Variants in NAALADL2 observed in about 807,000 individuals in gnomAD.
NAALADL2 encodes the protein N-acetylated alpha-linked acidic dipeptidase like 2.
NAALADL2 carries 76 observed loss-of-function variants against 87.2 expected under a neutral mutation model. That is an observed-to-expected ratio of 0.87 (90% CI 0.72 to 1.05). The LOEUF is 1.05. NAALADL2 is among the 50% of genes least tolerant of loss of function. The pLI is 0.00. For synonymous variants in NAALADL2, 354 were observed against 331.0 expected (o/e 1.07, Z -0.75); for missense variants, 1,089 against 945.8 (o/e 1.15, Z -1.99).
At chr3:175,128,299 TAAGGTA>T (rs1417603900) in intron 2 of NAALADL2, among the ~76,000 whole-genome samples, 1 of 152,168 alleles carries the variant, frequency 6.6e-6, no homozygotes, top group Non-Finnish European at 1.5e-5. Context: ...AAGAAAAATG[TAAGGTA>T]AAGGTAAAGG....
chr3:175,423,700 A>C (rs1716274633), intron 5 of NAALADL2, among the ~76,000 whole-genome samples: 1 of 152,148 alleles, frequency 6.6e-6, no homozygotes, highest in Non-Finnish European at 1.5e-5. Context: ...AGTCTTTGCT[A>C]TTGTGAATAG....
intron 1 of NAALADL2, among the ~76,000 whole-genome samples, chr3:174,871,216 A>G (rs1727781343): frequency 6.6e-6 from 1 of 152,230 alleles, no homozygotes; most frequent in African/African-American, 2.4e-5. Flanking sequence ...TTTCCTCTTC[A>G]GTGTTTCTAA....
At chr3:175,793,318 T>C (rs1227394879) in intron 13 of NAALADL2, among the ~76,000 whole-genome samples, 1 of 150,218 alleles carries the variant, frequency 6.7e-6, no homozygotes, top group African/African-American at 2.4e-5. Context: ...TTTTTTTTTT[T>C]TTTTTTTCGA....
intron 3 of NAALADL2, among the ~76,000 whole-genome samples, chr3:174,850,150 A>G (rs1253838644): frequency 6.6e-6 from 1 of 152,122 alleles, no homozygotes; most frequent in Admixed American, 6.6e-5. Context: ...TGTTCGAAGG[A>G]TAATTGTGGT....
At chr3:175,774,062 GTACAGTTAGTAGTA>G (rs1169319233) in intron 13 of NAALADL2, among the ~76,000 whole-genome samples, 1 of 152,024 alleles carries the variant, frequency 6.6e-6, no homozygotes, top group Non-Finnish European at 1.5e-5. Context: ...ATGATGTATG[GTACAGTTAGTAGTA>G]TACTTTGTGC....
intron 2 of NAALADL2, among the ~76,000 whole-genome samples, chr3:175,146,737 T>C (rs1465560124): frequency 6.6e-6 from 1 of 152,260 alleles, no homozygotes; most frequent in East Asian, 1.9e-4. Flanking sequence ...AAAATAGTGA[T>C]AGGAAAACCA....
intron 3 of NAALADL2, among the ~76,000 whole-genome samples, chr3:174,785,694 G>A (rs549319774): frequency 6.6e-6 from 1 of 152,204 alleles, no homozygotes; most frequent in Non-Finnish European, 1.5e-5. Context: ...ACATTAAGAT[G>A]TAGGCTTTAA....
intron 11 of NAALADL2, among the ~76,000 whole-genome samples, chr3:175,731,948 A>C (rs1322812903): frequency 6.6e-6 from 1 of 152,210 alleles, no homozygotes; most frequent in Non-Finnish European, 1.5e-5. Context: ...AAAAAAAATC[A>C]ATCAGAATCC....
intron 3 of NAALADL2, among the ~76,000 whole-genome samples, chr3:174,751,598 G>A (rs1025323136): frequency 1.3e-5 from 2 of 150,416 alleles, no homozygotes; most frequent in Non-Finnish European, 2.9e-5. Context: ...GGGAGACTGA[G>A]GTTGCAGTGA....
At chr3:175,747,389 A>G (rs1428209714) in intron 12 of NAALADL2, among the ~76,000 whole-genome samples, 3 of 152,026 alleles carry the variant, frequency 2.0e-5, no homozygotes, top group Non-Finnish European at 4.4e-5. Flanking sequence ...TGAGTGACTT[A>G]TTTTTCCTAC....
chr3:174,734,058 A>G (rs1319661171), intron 2 of NAALADL2, among the ~76,000 whole-genome samples: 1 of 152,184 alleles, frequency 6.6e-6, no homozygotes, highest in Non-Finnish European at 1.5e-5. Flanking sequence ...CTATGGGACT[A>G]CTGGGTTGGT....
chr3:174,771,580 C>T (rs1578862625), intron 3 of NAALADL2, among the ~76,000 whole-genome samples: 1 of 152,016 alleles, frequency 6.6e-6, no homozygotes, highest in African/African-American at 2.4e-5. Context: ...ACATGCACAT[C>T]GTAGAAAGAA....
chr3:174,675,978 G>A (rs1216550473), intron 2 of NAALADL2, among the ~76,000 whole-genome samples: 3 of 152,114 alleles, frequency 2.0e-5, no homozygotes, highest in South Asian at 2.1e-4. Context: ...TTTTATTCAA[G>A]TATAGTGGTC....
Position 175,541,723 on chromosome 3 carries a change from CTTGT to C in NAALADL2, c.1654-34307_1654-34304del, listed in dbSNP as rs558716094. On this transcript the variant is annotated intron_variant, in intron 9 of 13. Coordinates refer to ENST00000454872, the MANE Select transcript of NAALADL2 (RefSeq NM_207015.3). ...GTGTGCAGTTGTTTGTTGATCTCTG[CTTGT>C]TTGTTTGTTTTTTGAGACAGAGTCT... 1.5e-3 allele frequency among the ~76,000 whole-genome samples: 233 copies of C among 152,042 alleles called. 2 individuals carry two copies. Among genetic ancestry groups the C allele is most frequent in the African/African-American group, 5.3e-3 (218 of 41,458 alleles).
chr3:175,669,028 G>A (rs964251313), intron 11 of NAALADL2, among the ~76,000 whole-genome samples: 2 of 152,040 alleles, frequency 1.3e-5, no homozygotes, highest in Admixed American at 1.3e-4. Context: ...TTATACTTTA[G>A]GATAGTTTAG....
intron 1 of NAALADL2, among the ~76,000 whole-genome samples, chr3:174,982,594 C>T (rs1745263617): frequency 6.6e-6 from 1 of 152,208 alleles, no homozygotes; most frequent in South Asian, 2.1e-4. Flanking sequence ...ATGCCTTTAT[C>T]AATTTCCCCT....
At chr3:174,599,918 G>A (rs1323722972) in intron 2 of NAALADL2, among the ~76,000 whole-genome samples, 1 of 152,102 alleles carries the variant, frequency 6.6e-6, no homozygotes, top group Non-Finnish European at 1.5e-5. Context: ...AGTGGAGTAA[G>A]TCTTTGAAGA....
At chr3:175,215,828 C>A (rs1359524431) in intron 2 of NAALADL2, among the ~76,000 whole-genome samples, 1 of 152,114 alleles carries the variant, frequency 6.6e-6, no homozygotes, top group Admixed American at 6.5e-5. Flanking sequence ...TGAAATAATT[C>A]TTCTGGATAG....
At chr3:174,713,825 T>G (rs1021232483) in intron 2 of NAALADL2, among the ~76,000 whole-genome samples, 3 of 152,042 alleles carry the variant, frequency 2.0e-5, no homozygotes, top group African/African-American at 7.2e-5. Flanking sequence ...TTTGTCAATT[T>G]TGTCTTTTGT....
Sources: gnomAD v4.1 joint callset for allele counts (sites outside exome capture counted in the v4.1 genomes callset) on GRCh38, gnomAD v4.1.1 for gene constraint, MANE v1.5 for transcripts, NCBI Gene and HGNC (gene_info 2026-07-23, HGNC 2026-07-21) for gene names.